PIK3C3: variants seen among roughly 807,000 people sequenced by gnomAD.
PIK3C3 encodes PI3-kinase type 3.
A neutral mutation model predicts 126.1 loss-of-function variants in PIK3C3; 95 were observed. The observed-to-expected ratio is 0.75, with a 90% CI of 0.64 to 0.89. PIK3C3 has a LOEUF of 0.89. Ranked by LOEUF, PIK3C3 falls within the 40% of genes least tolerant of loss-of-function variation. The pLI, the probability that PIK3C3 is intolerant of heterozygous loss-of-function variation, is 0.00. For missense variants in PIK3C3, 829 were observed against 1,063.2 expected (o/e 0.78, Z 3.06); for synonymous variants, 374 against 360.0 (o/e 1.04, Z -0.44).
Position 41,955,338 on chromosome 18 carries a change from A to C in PIK3C3, c.47A>C (p.Asp16Ala). Residue 16 changes from aspartate (D) to alanine (A), a missense_variant, in exon 1 of 25, where the codon GAT becomes GCT. Around this residue, in one of 4 missense-constraint regions of PIK3C3, gnomAD observed 313 missense variants for 340.7 expected, o/e 0.92. Coordinates refer to ENST00000262039, the MANE Select transcript of PIK3C3 (RefSeq NM_002647.4). ...KFHYIYSCDL[D>A]INVQLKIGSL... ...CACTACATCTATAGTTGTGACCTGGATATCAACGTCCAGCTTAAGATGTAA... is the reference window on the plus strand; with the variant it reads ...CACTACATCTATAGTTGTGACCTGGCTATCAACGTCCAGCTTAAGATGTAA... 2.5e-6 allele frequency: 4 copies of C among 1,613,552 alleles called. No individual in the cohort carries two copies. Among genetic ancestry groups the C allele is most frequent in the Non-Finnish European group, 3.4e-6 (4 of 1,179,730 alleles).
intron 9 of PIK3C3, among the ~76,000 whole-genome samples, chr18:41,999,665 CATAATT>C (rs1285785871): frequency 6.6e-6 from 1 of 152,058 alleles, no homozygotes; most frequent in Non-Finnish European, 1.5e-5. Flanking sequence ...GATATTTACA[CATAATT>C]AAAATTAGGA....
chr18:42,076,144 GCGCATATATATATA>G (rs1288681954), intron 24 of PIK3C3, among the ~76,000 whole-genome samples: 5 of 19,046 alleles, frequency 2.6e-4, no homozygotes, highest in African/African-American at 1.7e-3. Flanking sequence ...ATATATATAT[GCGCATATATATATA>G]TATGCACATA....
At position 41,955,268 on chromosome 18, in the gene PIK3C3, G is replaced by A; in HGVS notation, c.-24G>A. 1 of 1,605,234 alleles carries A rather than the reference G, an allele frequency of 6.2e-7. No homozygotes were observed. Among genetic ancestry groups the A allele is most frequent in the Non-Finnish European group, 8.5e-7 (1 of 1,173,420 alleles). On this transcript the variant is annotated 5_prime_UTR_variant, in exon 1 of 25. Transcript: ENST00000262039. ...TTCCTGTACCTAAGTTCCCGCTGTAGGTGGTACCTTTGCAGACGGTGCGAT... is the reference window on the plus strand; with the variant it reads ...TTCCTGTACCTAAGTTCCCGCTGTAAGTGGTACCTTTGCAGACGGTGCGAT...
At chr18:42,077,695 C>G (rs1986082193) in intron 24 of PIK3C3, among the ~76,000 whole-genome samples, 1 of 152,150 alleles carries the variant, frequency 6.6e-6, no homozygotes, top group Non-Finnish European at 1.5e-5. Context: ...TCAAAGTCAT[C>G]CATGAAGAAT....
intron 4 of PIK3C3, among the ~76,000 whole-genome samples, chr18:41,976,226 A>T (rs1568117863): frequency 6.6e-6 from 1 of 152,212 alleles, no homozygotes; most frequent in Non-Finnish European, 1.5e-5. Flanking sequence ...AGTATTTTGC[A>T]TTAATCTATT....
intron 21 of PIK3C3, among the ~76,000 whole-genome samples, chr18:42,054,044 A>T (rs1313781832): frequency 6.8e-6 from 1 of 147,760 alleles, no homozygotes; most frequent in Non-Finnish European, 1.5e-5. Flanking sequence ...AAAAATGGTT[A>T]TTCTTATTTT....
Position 42,081,162 on chromosome 18 carries a change from C to T in PIK3C3, c.*25C>T. 1 of 1,562,252 alleles carries T rather than the reference C, an allele frequency of 6.4e-7. No homozygotes were observed. Among genetic ancestry groups the T allele is most frequent in the Admixed American group, 1.7e-5 (1 of 58,496 alleles). ...AAACTGGGATTGACCCATCAAGATG[C>T]TTGGCTCAATAAGAAAACCACGTTA... On this transcript the variant is annotated 3_prime_UTR_variant, in exon 25 of 25. Transcript: ENST00000262039.
At chr18:42,024,466 A>G (rs1983463794) in intron 13 of PIK3C3, among the ~76,000 whole-genome samples, 1 of 149,744 alleles carries the variant, frequency 6.7e-6, no homozygotes, top group Admixed American at 6.7e-5. Context: ...ATGAAGTTTC[A>G]TTCTTGTTGC....
chr18:42,070,262 A>T (rs910218974), intron 24 of PIK3C3, among the ~76,000 whole-genome samples: 4 of 152,214 alleles, frequency 2.6e-5, no homozygotes, highest in Non-Finnish European at 5.9e-5. Flanking sequence ...CTGCCTCTTG[A>T]CAGGAGGAGA....
At chr18:41,956,111 C>A (rs1406856256) in intron 1 of PIK3C3, among the ~76,000 whole-genome samples, 1 of 152,078 alleles carries the variant, frequency 6.6e-6, no homozygotes, top group Non-Finnish European at 1.5e-5. Context: ...TCAAAGCTAT[C>A]ACAAATTATT....
At chr18:42,057,447 T>A (rs72481235) in intron 21 of PIK3C3, among the ~76,000 whole-genome samples, 2,705 of 152,246 alleles carry the variant, frequency 0.018, 46 homozygotes, top group East Asian at 0.09. Context: ...TGAGTAATAA[T>A]AAGTTAGCAG....
At chr18:42,018,180 C>T (rs1384741945) in intron 12 of PIK3C3, among the ~76,000 whole-genome samples, 1 of 151,868 alleles carries the variant, frequency 6.6e-6, no homozygotes, top group Non-Finnish European at 1.5e-5. Context: ...TGTCTGTGAC[C>T]TACAATATGT....
Position 42,071,848 on chromosome 18 carries a change from G to A in PIK3C3, c.2649+4335G>A, listed in dbSNP as rs77814091. 6.9e-3 allele frequency among the ~76,000 whole-genome samples: 1,045 copies of A among 152,074 alleles called. 11 individuals are homozygous for A. The highest frequency in any genetic ancestry group is 0.024 in the African/African-American group (1,000 of 41,466). ...CTAAGGGATGAACTTAAAAATGTTT[G>A]TGATATTTCTTAGATTTCCTTAAAT... is the stretch of plus-strand genomic sequence containing the variant. On this transcript the variant is annotated intron_variant, in intron 24 of 24. Coordinates refer to ENST00000262039, the MANE Select transcript of PIK3C3 (RefSeq NM_002647.4).
At chr18:42,068,376 A>G (rs1985628119) in intron 24 of PIK3C3, among the ~76,000 whole-genome samples, 1 of 152,074 alleles carries the variant, frequency 6.6e-6, no homozygotes, top group Non-Finnish European at 1.5e-5. Flanking sequence ...CTTTCTCTAA[A>G]TATTTTGTTG....
chr18:41,973,716 A>G (rs555271479), intron 4 of PIK3C3, among the ~76,000 whole-genome samples: 6 of 152,234 alleles, frequency 3.9e-5, no homozygotes, highest in African/African-American at 1.4e-4. Context: ...TTGAAATTGT[A>G]TTAGGTATAA....
intron 13 of PIK3C3, among the ~76,000 whole-genome samples, chr18:42,023,963 A>G (rs1397952769): frequency 6.6e-6 from 1 of 152,204 alleles, no homozygotes; most frequent in Non-Finnish European, 1.5e-5. Context: ...GAATAGTGTC[A>G]ACCTTTTAAG....
intron 4 of PIK3C3, among the ~76,000 whole-genome samples, chr18:41,980,725 C>T (rs911157713): frequency 2.0e-5 from 3 of 151,714 alleles, no homozygotes; most frequent in African/African-American, 7.2e-5. Context: ...AAAATAATCT[C>T]ATTTTCTCAA....
intron 15 of PIK3C3, 60 bp from the exon 16 acceptor site, chr18:42,033,766 A>G (rs1983928347): frequency 3.9e-6 from 5 of 1,276,102 alleles, no homozygotes; most frequent in Non-Finnish European, 4.4e-6. Context: ...TGTCTTTACT[A>G]TATGTTTTAT....
Position 41,995,933 on chromosome 18 carries a change from T to A in PIK3C3, c.830T>A (p.Leu277Ter), listed in dbSNP as rs1174252317. Residue 277 changes from leucine to a stop codon, truncating the protein, a stop_gained, in exon 8 of 25, where the codon TTA becomes TAA. Transcript: ENST00000262039. LOFTEE classifies it high-confidence loss of function. ...ESKHHKLARS[L>*]RSGPSDHDLK... The stretch of plus-strand genomic sequence containing the variant: ...AAACACCACAAGCTTGCCCGGAGTT[T>A]AAGAAGTGGACCTTCTGACCACGAT... 9 of 1,613,256 alleles carry A rather than the reference T, an allele frequency of 5.6e-6. No homozygotes were observed. Among genetic ancestry groups the A allele is most frequent in the South Asian group, 3.3e-5 (3 of 91,042 alleles).
Sources: gnomAD v4.1 joint callset for allele counts (sites outside exome capture counted in the v4.1 genomes callset) on GRCh38, gnomAD v4.1.1 for gene constraint, gnomAD v4.1.1 regional missense constraint, MANE v1.5 for transcripts, NCBI Gene and HGNC (gene_info 2026-07-23, HGNC 2026-07-21) for gene names.